DNAJC1: variants seen among roughly 807,000 people sequenced by gnomAD.
DNAJC1 encodes DnaJ heat shock protein family (Hsp40) member C1.
Under a neutral mutation model 76.6 loss-of-function variants are expected in DNAJC1, and 58 were observed. That is an observed-to-expected ratio of 0.76 (90% CI 0.61 to 0.94). The LOEUF (loss-of-function observed/expected upper bound fraction) is 0.94. Among genes scored for constraint, DNAJC1 ranks in the 40% least tolerant of loss-of-function variants. The pLI, the probability that DNAJC1 is intolerant of heterozygous loss-of-function variation, is 0.00. For missense variants in DNAJC1, 689 were observed against 677.3 expected (o/e 1.02, Z -0.19); for synonymous variants, 258 against 267.9 (o/e 0.96, Z 0.36).
rs1428093966 is a variant in DNAJC1 at position 22,003,488 on chromosome 10, G to C, written c.-54C>G. ...GCGCAGCTCCGTTGGCCGAGAGCTG[G>C]GACGTGGCGGGCGGCGCTGGCTGTG... On this transcript the variant is annotated 5_prime_UTR_variant, in exon 1 of 12. Transcript: ENST00000376980. The C allele has an allele frequency of 7.6e-7, 1 of 1,308,524 alleles. No individual in the cohort carries two copies. The highest frequency in any genetic ancestry group is 9.7e-7 in the Non-Finnish European group (1 of 1,035,054). 81.1% of individuals were successfully genotyped at this position (1,308,524 alleles called of 1,614,324 possible). A position where few individuals can be genotyped will look rare whatever the true frequency, so the allele number is the denominator to read the frequency against.
chr10:21,998,417 A>G (rs1407788267), intron 1 of DNAJC1, among the ~76,000 whole-genome samples: 1 of 150,628 alleles, frequency 6.6e-6, no homozygotes, highest in Non-Finnish European at 1.5e-5. Context: ...AAAGAAATAC[A>G]GAATTGCCAC....
intron 3 of DNAJC1, among the ~76,000 whole-genome samples, chr10:21,928,209 C>A (rs1837160728): frequency 6.6e-6 from 1 of 152,048 alleles, no homozygotes; most frequent in Non-Finnish European, 1.5e-5. Context: ...TGAATTCAGG[C>A]AGTATTTGTA....
At chr10:21,795,277 G>T (rs1342131614) in intron 9 of DNAJC1, among the ~76,000 whole-genome samples, 1 of 152,122 alleles carries the variant, frequency 6.6e-6, no homozygotes, top group Non-Finnish European at 1.5e-5. Flanking sequence ...TAAATAAAAT[G>T]CAGTATTTAT....
chr10:21,882,946 T>C (rs1836306046), intron 7 of DNAJC1, among the ~76,000 whole-genome samples: 1 of 152,136 alleles, frequency 6.6e-6, no homozygotes, highest in African/African-American at 2.4e-5. Flanking sequence ...TCCATTGGGC[T>C]CTTTATTAAA....
chr10:21,877,306 A>G (rs1836202308), intron 8 of DNAJC1, among the ~76,000 whole-genome samples: 1 of 151,588 alleles, frequency 6.6e-6, no homozygotes, highest in Non-Finnish European at 1.5e-5. Context: ...ATACATATAT[A>G]TATATATTTG....
At chr10:21,845,591 C>A (rs1416870235) in intron 8 of DNAJC1, among the ~76,000 whole-genome samples, 1 of 151,998 alleles carries the variant, frequency 6.6e-6, no homozygotes, top group East Asian at 1.9e-4. Context: ...TTGACCTCGG[C>A]CTCCCAAAGT....
intron 1 of DNAJC1, among the ~76,000 whole-genome samples, chr10:21,948,209 G>A (rs1490508157): frequency 2.0e-5 from 3 of 151,242 alleles, no homozygotes; most frequent in African/African-American, 2.4e-5. Context: ...TCCTGCCTCA[G>A]CCTCCCAAGT....
chr10:21,895,092 A>C (rs1836519599), intron 7 of DNAJC1, among the ~76,000 whole-genome samples: 1 of 152,256 alleles, frequency 6.6e-6, no homozygotes, highest in African/African-American at 2.4e-5. Context: ...CGATGGTGCT[A>C]CTATAACAAA....
intron 9 of DNAJC1, among the ~76,000 whole-genome samples, chr10:21,782,471 A>T (rs562000113): frequency 7.9e-5 from 12 of 152,304 alleles, no homozygotes. Context: ...TACAAGGAGG[A>T]GCTGGTACCA....
Position 22,003,206 on chromosome 10 carries a change from T to C in DNAJC1, c.222+7A>G, listed in dbSNP as rs533628773. Reference sequence around the variant, plus strand: ...CTCCGCCCGGCCCCGCGCGCCTCCTTGCTTACCTGCTGCACCCCGAGGAAC... The same window carrying C: ...CTCCGCCCGGCCCCGCGCGCCTCCTCGCTTACCTGCTGCACCCCGAGGAAC... On this transcript the variant is annotated splice_region_variant and intron_variant, in intron 1 of 11. Transcript: ENST00000376980. 1.3e-6 allele frequency: 2 copies of C among 1,545,020 alleles called. No homozygotes were observed. Among genetic ancestry groups the C allele is most frequent in the South Asian group, 2.4e-5 (2 of 81,974 alleles).
chr10:21,796,969 T>C (rs1249984600), intron 9 of DNAJC1, among the ~76,000 whole-genome samples: 1 of 152,186 alleles, frequency 6.6e-6, no homozygotes, highest in Non-Finnish European at 1.5e-5. Context: ...CACTTCTTTA[T>C]TTTTCATTTT....
chr10:21,834,621 C>G (rs1489653436), intron 8 of DNAJC1, among the ~76,000 whole-genome samples: 1 of 152,200 alleles, frequency 6.6e-6, no homozygotes, highest in Non-Finnish European at 1.5e-5. Context: ...CACTCCCACC[C>G]TAATACTGCA....
intron 1 of DNAJC1, among the ~76,000 whole-genome samples, chr10:21,986,083 C>T (rs539819228): frequency 6.6e-5 from 10 of 152,148 alleles, no homozygotes; most frequent in Non-Finnish European, 1.0e-4. Context: ...AAAAATTAGC[C>T]GGGTGTGGTG....
intron 1 of DNAJC1, among the ~76,000 whole-genome samples, chr10:21,988,303 C>T (rs1052876341): frequency 6.6e-6 from 1 of 151,974 alleles, no homozygotes; most frequent in African/African-American, 2.4e-5. Flanking sequence ...TTTAAAAGAT[C>T]ATTACACTAC....
At chr10:21,924,999 G>A (rs1273784742) in intron 3 of DNAJC1, among the ~76,000 whole-genome samples, 1 of 152,030 alleles carries the variant, frequency 6.6e-6, no homozygotes, top group Admixed American at 6.6e-5. Flanking sequence ...TGTTGCTGTT[G>A]TTGTTGTTTT....
At chr10:21,820,681 C>T (rs547747334) in intron 8 of DNAJC1, among the ~76,000 whole-genome samples, 1 of 152,336 alleles carries the variant, frequency 6.6e-6, no homozygotes, top group African/African-American at 2.4e-5. Context: ...GACCCTCCAA[C>T]CCGATGGAAG....
chr10:21,884,298 T>C (rs1371246390), intron 7 of DNAJC1, among the ~76,000 whole-genome samples: 2 of 152,094 alleles, frequency 1.3e-5, no homozygotes, highest in African/African-American at 2.4e-5. Flanking sequence ...CCCACGTGGC[T>C]AACAAATAAG....
rs1836041618 is a variant in DNAJC1, at chr10:21,868,261, C to A, written c.978+14021G>T. On this transcript the variant is annotated intron_variant, in intron 8 of 11. Transcript: ENST00000376980. ...TGCCTCAGCCTCCCGAGTAGCTGGGCTTACAGACATGCACCACCATGCCCA... is the reference window on the plus strand; with the variant it reads ...TGCCTCAGCCTCCCGAGTAGCTGGGATTACAGACATGCACCACCATGCCCA... 2.7e-5 allele frequency among the ~76,000 whole-genome samples: 4 copies of A among 150,806 alleles called. No homozygotes were observed. The South Asian group carries it at 8.4e-4, about 32-fold the overall frequency.
chr10:21,997,899 G>C (rs566876612), intron 1 of DNAJC1, among the ~76,000 whole-genome samples: 10 of 152,254 alleles, frequency 6.6e-5, no homozygotes, highest in Non-Finnish European at 1.3e-4. Flanking sequence ...TACATAAATA[G>C]AAGTCTGTAA....
Sources: allele counts gnomAD v4.1 joint callset (sites outside exome capture counted in the v4.1 genomes callset), GRCh38; gene constraint gnomAD v4.1.1; transcripts MANE v1.5; gene names NCBI Gene and HGNC (gene_info 2026-07-23, HGNC 2026-07-21).